Variants in EFNB2 observed in about 807,000 individuals in gnomAD.
EFNB2 encodes the protein ephrin B2.
A neutral mutation model predicts 32.1 loss-of-function variants in EFNB2; 5 were observed. The ratio of observed to expected loss-of-function variants is 0.16; its 90% CI spans 0.08 to 0.33. EFNB2 has a LOEUF of 0.33. Among genes scored for constraint, EFNB2 ranks in the 10% least tolerant of loss-of-function variants. The pLI is 1.00. For synonymous variants in EFNB2, 168 were observed against 166.5 expected (o/e 1.01, Z -0.07); for missense variants, 263 against 422.6 (o/e 0.62, Z 3.31).
chr13:106,520,588 C>T (rs563717111), intron 1 of EFNB2: 1 of 152,200 alleles, frequency 6.6e-6, no homozygotes, highest in Admixed American at 6.5e-5. Flanking sequence ...TGATGGCACA[C>T]TTCATAAACA....
intron 1 of EFNB2, among the ~76,000 whole-genome samples, chr13:106,533,995 G>A (rs1247265375): frequency 6.6e-6 from 1 of 152,228 alleles, no homozygotes; most frequent in Admixed American, 6.5e-5. Flanking sequence ...CGGCTGTAGA[G>A]TCCGGTAAGA....
chr13:106,534,993 C>G lies in EFNB2; in HGVS notation c.-29G>C, dbSNP rs1880020848. The G allele has an allele frequency of 1.9e-6, 3 of 1,611,466 alleles. No individual in the cohort carries two copies. Among genetic ancestry groups the G allele is most frequent in the Non-Finnish European group, 1.7e-6 (2 of 1,178,754 alleles). On this transcript the variant is annotated 5_prime_UTR_variant, in exon 1 of 5. Transcript: ENST00000646441. ...GAAGCCACTCCCAGCTCCGCGCACT[C>G]CGGGCCAAGAAGGGACTGACGGGAC... is the stretch of plus-strand genomic sequence containing the variant.
intron 2 of EFNB2, among the ~76,000 whole-genome samples, chr13:106,505,030 T>C (rs907090824): frequency 1.3e-5 from 2 of 152,190 alleles, no homozygotes; most frequent in Non-Finnish European, 2.9e-5. Context: ...CTTTTCCCAA[T>C]GGCCTTCCTT....
chr13:106,526,604 C>A (rs560077006), intron 1 of EFNB2, among the ~76,000 whole-genome samples: 1 of 151,950 alleles, frequency 6.6e-6, no homozygotes, highest in Non-Finnish European at 1.5e-5. Flanking sequence ...TCAAGGCCTA[C>A]GAGAACTTGC....
In EFNB2 at chr13:106,535,258, G is replaced by C. The variant is rs1475856856; in HGVS notation, c.-294C>G. ...ACGGCCGACTCCCGTGCGGCTCCAG[G>C]GTGCCGGGCCGGCCGCGGCTGGCGG... On this transcript the variant is annotated 5_prime_UTR_variant, in exon 1 of 5. Transcript: ENST00000646441. The C allele has an allele frequency of 6.7e-6, 1 of 149,556 alleles. No individual in the cohort carries two copies. Among genetic ancestry groups the C allele is most frequent in the African/African-American group, 2.4e-5 (1 of 40,960 alleles). The allele number at this position is 149,556 out of a possible 1,614,324, so 9.3% of individuals were successfully genotyped here.
chr13:106,534,692 T>C (rs1226175242), intron 1 of EFNB2, 151 bp downstream of exon 1: 1 of 861,228 alleles, frequency 1.2e-6, no homozygotes, highest in Non-Finnish European at 1.7e-6. Context: ...AGTCTCCACC[T>C]AGTGAAATGG....
intron 2 of EFNB2, among the ~76,000 whole-genome samples, chr13:106,511,885 G>T (rs1308836238): frequency 6.6e-6 from 1 of 152,042 alleles, no homozygotes; most frequent in Non-Finnish European, 1.5e-5. Context: ...TGACCCAAGG[G>T]ATACGTACCA....
At chr13:106,526,018 G>C (rs112871982) in intron 1 of EFNB2, among the ~76,000 whole-genome samples, 63 of 148,144 alleles carry the variant, frequency 4.3e-4, no homozygotes, top group African/African-American at 1.5e-3. Context: ...ATGGCCCTGA[G>C]GCAGCAGTTG....
chr13:106,523,981 T>A (rs1261697882), intron 1 of EFNB2, among the ~76,000 whole-genome samples: 1 of 152,148 alleles, frequency 6.6e-6, no homozygotes, highest in Non-Finnish European at 1.5e-5. Context: ...AACAATCAAA[T>A]GTTACAATTT....
intron 2 of EFNB2, chr13:106,506,057 G>T (rs547070809): frequency 6.6e-6 from 1 of 152,212 alleles, no homozygotes; most frequent in Admixed American, 6.5e-5. Context: ...TAAATGTAAA[G>T]AATTTATCTT....
chr13:106,531,934 A>C (rs1457264896), intron 1 of EFNB2, among the ~76,000 whole-genome samples: 3 of 152,100 alleles, frequency 2.0e-5, no homozygotes, highest in Non-Finnish European at 4.4e-5. Flanking sequence ...AAGTAAAATT[A>C]ATTTTTTTTT....
chr13:106,495,076 G>A (rs1878544530), intron 3 of EFNB2, 82 bp from the exon 4 acceptor site: 6 of 1,029,032 alleles, frequency 5.8e-6, no homozygotes, highest in South Asian at 5.2e-5. Context: ...ATTTCAACAG[G>A]CATGAATAGC....
intron 1 of EFNB2, chr13:106,516,906 TA>T (rs1879330539): frequency 1.3e-5 from 2 of 152,220 alleles, no homozygotes; most frequent in Non-Finnish European, 2.9e-5. Flanking sequence ...AATAGCAGAA[TA>T]TATATGAAAA....
chr13:106,494,813 A>G (rs1288791981), intron 4 of EFNB2, 68 bp downstream of exon 4: 27 of 1,246,044 alleles, frequency 2.2e-5, no homozygotes, highest in Non-Finnish European at 2.4e-5. Context: ...ACTCTGCCCT[A>G]CCTTTTAAGA....
At chr13:106,496,236 C>T (rs1001910429) in intron 2 of EFNB2, among the ~76,000 whole-genome samples, 2 of 152,244 alleles carry the variant, frequency 1.3e-5, no homozygotes, top group South Asian at 2.1e-4. Context: ...ATCATCCCCC[C>T]ACACCTGCTT....
At chr13:106,525,916 G>A (rs993422803) in intron 1 of EFNB2, among the ~76,000 whole-genome samples, 1 of 152,166 alleles carries the variant, frequency 6.6e-6, no homozygotes, top group African/African-American at 2.4e-5. Flanking sequence ...CCCCAACAAG[G>A]CAAGGACTAC....
chr13:106,502,208 C>T (rs1183596244), intron 2 of EFNB2, among the ~76,000 whole-genome samples: 1 of 152,158 alleles, frequency 6.6e-6, no homozygotes, highest in East Asian at 1.9e-4. Flanking sequence ...CTTTTCTATG[C>T]AACACTATTA....
In EFNB2 at chr13:106,491,741, G is replaced by GA. The variant is rs769143850; in HGVS notation, c.*1298_*1299insT. 2 of 152,604 alleles carry GA rather than the reference G, an allele frequency of 1.3e-5. No individual in the cohort carries two copies. Among genetic ancestry groups the GA allele is most frequent in the Non-Finnish European group, 2.9e-5 (2 of 68,100 alleles). 9.5% of individuals were successfully genotyped at this position (152,604 alleles called of 1,614,324 possible). On this transcript the variant is annotated 3_prime_UTR_variant, in exon 5 of 5. Transcript: ENST00000646441. ...ATCGGGAGGGGAAGGAGGAACCTGG[G>GA]GGGAGGGGGATCTGACCTACCTTTT... is the stretch of plus-strand genomic sequence containing the variant.
intron 2 of EFNB2, among the ~76,000 whole-genome samples, chr13:106,503,543 G>A (rs1251244349): frequency 1.3e-5 from 2 of 152,126 alleles, no homozygotes; most frequent in African/African-American, 2.4e-5. Context: ...ACAGGGACTC[G>A]AGGTCCTAAG....
Sources: gnomAD v4.1 joint callset for allele counts (sites outside exome capture counted in the v4.1 genomes callset) on GRCh38, gnomAD v4.1.1 for gene constraint, MANE v1.5 for transcripts, NCBI Gene and HGNC (gene_info 2026-07-23, HGNC 2026-07-21) for gene names.